LRCH1: variants seen among roughly 807,000 people sequenced by gnomAD.
The protein encoded by LRCH1 is leucine-rich repeat and calponin homology domain-containing protein 1.
In LRCH1, 23 loss-of-function variants were observed where a neutral mutation model predicts 94.9. The ratio of observed to expected loss-of-function variants is 0.24; its 90% CI spans 0.17 to 0.34. The LOEUF (loss-of-function observed/expected upper bound fraction) is 0.34, where lower values mean the gene tolerates loss of function less well. Ranked by LOEUF, LRCH1 falls within the 10% of genes least tolerant of loss-of-function variation. The probability of loss-of-function intolerance (pLI) is 1.00; values close to 1 mark genes in which losing one functional copy is unlikely to be tolerated. For synonymous variants in LRCH1, 364 were observed against 354.9 expected, an observed-to-expected ratio of 1.03 and a Z score of -0.29; for missense variants, 790 against 945.9, an observed-to-expected ratio of 0.84 and a Z score of 2.16.
At chr13:46,706,235 G>A (rs1871753990) in intron 13 of LRCH1, among the ~76,000 whole-genome samples, 1 of 152,192 alleles carries the variant, frequency 6.6e-6, no homozygotes, top group Admixed American at 6.5e-5. Context: ...TAACTGTGGG[G>A]AACTTAACCT....
intron 9 of LRCH1, among the ~76,000 whole-genome samples, chr13:46,698,074 G>A (rs762052119): frequency 2.0e-5 from 3 of 152,084 alleles, no homozygotes; most frequent in East Asian, 1.9e-4. Context: ...TCTTTTATAC[G>A]TTGACTGTAT....
intron 1 of LRCH1, among the ~76,000 whole-genome samples, chr13:46,596,358 T>A (rs2050563094): frequency 6.6e-6 from 1 of 152,214 alleles, no homozygotes; most frequent in Admixed American, 6.5e-5. Flanking sequence ...ATCATGACTA[T>A]AAATCAAAGC....
chr13:46,643,079 C>T (rs1369366154), intron 1 of LRCH1, among the ~76,000 whole-genome samples: 1 of 152,242 alleles, frequency 6.6e-6, no homozygotes, highest in Non-Finnish European at 1.5e-5. Context: ...GCATGTATCT[C>T]TAGCTTTTAA....
chr13:46,732,715 T>C (rs1194471308), intron 18 of LRCH1, among the ~76,000 whole-genome samples: 1 of 152,190 alleles, frequency 6.6e-6, no homozygotes, highest in Non-Finnish European at 1.5e-5. Flanking sequence ...AAATGCCTCT[T>C]GGTACCTCAT....
intron 1 of LRCH1, among the ~76,000 whole-genome samples, chr13:46,618,006 C>T (rs964268457): frequency 6.6e-6 from 1 of 152,116 alleles, no homozygotes; most frequent in Admixed American, 6.5e-5. Context: ...CCCTTAGTGT[C>T]TTCTACAAGC....
At chr13:46,602,990 A>ACATGCATG (rs1430532938) in intron 1 of LRCH1, among the ~76,000 whole-genome samples, 149 of 151,924 alleles carry the variant, frequency 9.8e-4, no homozygotes, top group Middle Eastern at 3.4e-3. Flanking sequence ...ATACATACAT[A>ACATGCATG]CATACATACA....
chr13:46,682,217 A>G (rs187491084), intron 4 of LRCH1, among the ~76,000 whole-genome samples: 1 of 152,176 alleles, frequency 6.6e-6, no homozygotes, highest in African/African-American at 2.4e-5. Context: ...AGGTGCCAGC[A>G]GGGTTGGTTC....
At chr13:46,664,769 C>T (rs2051494237) in intron 2 of LRCH1, among the ~76,000 whole-genome samples, 1 of 152,116 alleles carries the variant, frequency 6.6e-6, no homozygotes, top group South Asian at 2.1e-4. Flanking sequence ...TAAGCATTTT[C>T]ACATCTATAA....
intron 19 of LRCH1, among the ~76,000 whole-genome samples, chr13:46,740,762 T>G (rs1197309499): frequency 2.0e-5 from 3 of 152,236 alleles, no homozygotes; most frequent in Non-Finnish European, 4.4e-5. Context: ...GAATTCAGCA[T>G]GTGAGACAAT....
chr13:46,695,630 C>G (rs2147164), intron 9 of LRCH1, among the ~76,000 whole-genome samples: 29,556 of 152,200 alleles, frequency 0.19, 3,389 homozygotes, highest in East Asian at 0.27. Flanking sequence ...TGGTATGTTT[C>G]TGCCAGCCCT....
chr13:46,722,768 C>T (rs6561327), intron 16 of LRCH1, among the ~76,000 whole-genome samples: 100,783 of 152,198 alleles, frequency 0.66, 34,640 homozygotes, highest in Middle Eastern at 0.77. Context: ...CTCAGGCTTA[C>T]AAAAAACTTT....
rs75257650 is a variant in LRCH1, at chr13:46,686,216, G to A, written c.822+175G>A. Among the ~76,000 whole-genome samples, 2,439 of 152,330 alleles carry A rather than the reference G, an allele frequency of 0.016. 34 individuals are homozygous for A. The highest frequency in any genetic ancestry group is 0.023 in the Non-Finnish European group (1,554 of 68,030). ...ATTAACATGTACGTGGAAGCCTCCAGAGTGAAGACCCAAAGATACAGGGGA... is the reference window on the plus strand; with the variant it reads ...ATTAACATGTACGTGGAAGCCTCCAAAGTGAAGACCCAAAGATACAGGGGA... On this transcript the variant is annotated intron_variant, in intron 5 of 19. Coordinates refer to ENST00000389797, the MANE Select transcript of LRCH1 (RefSeq NM_001164211.2).
chr13:46,653,418 T>TA (rs962562591), intron 2 of LRCH1, among the ~76,000 whole-genome samples: 1 of 151,998 alleles, frequency 6.6e-6, no homozygotes, highest in South Asian at 2.1e-4. Flanking sequence ...TATAAAGATA[T>TA]AAAAAAAAGT....
chr13:46,612,847 T>C (rs2050762157), intron 1 of LRCH1, among the ~76,000 whole-genome samples: 2 of 152,234 alleles, frequency 1.3e-5, no homozygotes, highest in Admixed American at 1.3e-4. Context: ...CTGCATATTT[T>C]ATTGTTTATA....
intron 2 of LRCH1, among the ~76,000 whole-genome samples, chr13:46,668,663 TG>T (rs1224785829): frequency 1.4e-5 from 2 of 147,616 alleles, no homozygotes; most frequent in African/African-American, 5.0e-5. Context: ...TGCTATTGGT[TG>T]TGCAGGATGT....
chr13:46,717,126 ACAGACTAAAAC>A (rs762701322), intron 16 of LRCH1, among the ~76,000 whole-genome samples: 1 of 152,104 alleles, frequency 6.6e-6, no homozygotes, highest in Non-Finnish European at 1.5e-5. Flanking sequence ...TTATAGACGA[ACAGACTAAAAC>A]CAGAAAGGTG....
chr13:46,610,605 A>C (rs575365642), intron 1 of LRCH1, among the ~76,000 whole-genome samples: 16 of 152,126 alleles, frequency 1.1e-4, no homozygotes, highest in Middle Eastern at 3.4e-3. Context: ...TACTTCACTT[A>C]GAACAATGGT....
chr13:46,609,877 A>C (rs1273647727), intron 1 of LRCH1, among the ~76,000 whole-genome samples: 1 of 152,224 alleles, frequency 6.6e-6, no homozygotes, highest in Non-Finnish European at 1.5e-5. Context: ...AGACACACAC[A>C]GCTGCCTACG....
intron 1 of LRCH1, among the ~76,000 whole-genome samples, chr13:46,642,458 A>T (rs1015098665): frequency 6.6e-6 from 1 of 152,208 alleles, no homozygotes; most frequent in Non-Finnish European, 1.5e-5. Flanking sequence ...GGGAATTGTA[A>T]CAGCACCTGC....
Sources: allele counts gnomAD v4.1 joint callset (sites outside exome capture counted in the v4.1 genomes callset), GRCh38; gene constraint gnomAD v4.1.1; transcripts MANE v1.5; gene names NCBI Gene and HGNC (gene_info 2026-07-23, HGNC 2026-07-21).